Variants in PABIR3 observed in about 807,000 individuals in gnomAD.
PABIR3 encodes the protein PABIR family member 1.
In PABIR3, 20 loss-of-function variants were observed where a neutral mutation model predicts 23.1. The ratio of observed to expected loss-of-function variants is 0.86; its 90% CI spans 0.61 to 1.26. The LOEUF (loss-of-function observed/expected upper bound fraction) is 1.26, where lower values mean the gene tolerates loss of function less well. Ranked by LOEUF, PABIR3 falls within the 50% of genes most tolerant of loss-of-function variation. The pLI, the probability that PABIR3 is intolerant of heterozygous loss-of-function variation, is 0.00. For missense variants in PABIR3, 189 were observed against 195.4 expected (o/e 0.97, Z 0.20); for synonymous variants, 69 against 68.5 (o/e 1.01, Z -0.04).
At chrX:134,806,391 G>A (rs1454300045), upstream of PABIR3, among the ~76,000 whole-genome samples, 8 of 110,982 alleles carry the variant, frequency 7.2e-5, no homozygotes, top group Non-Finnish European at 9.4e-5. Flanking sequence ...CGAGGCGGGC[G>A]GATCACCTGA....
chrX:134,857,015 G>GA (rs111671075), downstream of PABIR3, among the ~76,000 whole-genome samples: 9 of 107,226 alleles, frequency 8.4e-5, no homozygotes, highest in East Asian at 2.9e-4. Context: ...CCGTCTCAAA[G>GA]AAAAAAAAAA....
intron 4 of PABIR3, among the ~76,000 whole-genome samples, chrX:134,836,053 G>A (rs2081962280): frequency 8.9e-6 from 1 of 111,835 alleles, no homozygotes; most frequent in Non-Finnish European, 1.9e-5. Context: ...GGTCCGACTG[G>A]TCTAGAACTC....
chrX:134,812,822 A>G (rs2080750768), intron 2 of PABIR3, among the ~76,000 whole-genome samples: 1 of 111,590 alleles, frequency 9.0e-6, no homozygotes, highest in Admixed American at 9.6e-5. Flanking sequence ...GAAGGCAGAA[A>G]AGCATAGATG....
chrX:134,835,741 C>A (rs2148287073), intron 4 of PABIR3: 1 of 111,726 alleles, frequency 9.0e-6, no homozygotes, highest in South Asian at 3.7e-4. Context: ...GCAGCCTCAA[C>A]CTTCTGGGCT....
chrX:134,828,047 C>CTATATATATATA (rs61129426), intron 3 of PABIR3, among the ~76,000 whole-genome samples: 4 of 49,409 alleles, frequency 8.1e-5, no homozygotes, highest in African/African-American at 1.6e-4. Context: ...CTCTCTCTCT[C>CTATATATATATA]TATATATATA....
intron 2 of PABIR3, among the ~76,000 whole-genome samples, chrX:134,812,235 T>C (rs2148133076): frequency 8.9e-6 from 1 of 112,309 alleles, no homozygotes; most frequent in Non-Finnish European, 1.9e-5. Flanking sequence ...TTTCTTTCAG[T>C]TATAGTCTTA....
chrX:134,857,861 C>T (rs2082757238), downstream of PABIR3, among the ~76,000 whole-genome samples: 1 of 111,101 alleles, frequency 9.0e-6, no homozygotes, highest in Admixed American at 9.7e-5. Context: ...CAACCAATAA[C>T]ATTTATAATT....
rs746427517 is a variant in PABIR3 at position 134,807,673 on chromosome X, AAG to A, written c.78_79del (p.Arg26SerfsTer13). The A allele has an allele frequency of 8.3e-7, 1 of 1,206,459 alleles. No homozygotes were observed. Among genetic ancestry groups the A allele is most frequent in the Admixed American group, 2.2e-5 (1 of 45,686 alleles). ...STTADGNILR[R>X]VNSAPLINGL... is the part of the protein sequence containing the mutation. The stretch of plus-strand genomic sequence containing the variant: ...CTACCGCAGACGGCAACATTCTGAG[AAG>A]AGTCAACAGTGCCCCTTTGATCAAT... On this transcript the variant is annotated frameshift_variant, in exon 2 of 11. Coordinates refer to ENST00000645433, the MANE Select transcript of PABIR3 (RefSeq NM_001388447.1). LOFTEE classifies it high-confidence loss of function.
chrX:134,797,810 AT>A (rs200169266), intron 1 of PABIR3, among the ~76,000 whole-genome samples: 6,674 of 88,012 alleles, frequency 0.076, 692 homozygotes, highest in African/African-American at 0.25. Context: ...TGAGATCTGG[AT>A]TTTTTTTTTT....
At chrX:134,800,711 A>G (rs2080044712) in intron 1 of PABIR3, among the ~76,000 whole-genome samples, 1 of 111,771 alleles carries the variant, frequency 8.9e-6, no homozygotes, top group Non-Finnish European at 1.9e-5. Flanking sequence ...AATCGCTTGA[A>G]CCTGGGAGGT....
At chrX:134,829,114 C>T in intron 3 of PABIR3, 112 bp from the exon 4 acceptor site, 2 of 580,300 alleles carry the variant, frequency 3.4e-6, no homozygotes, top group Non-Finnish European at 5.8e-6. Flanking sequence ...CTGTTGCTGG[C>T]ATGCATAAGA....
Position 134,854,277 on chromosome X carries a change from C to G in PABIR3, c.*60C>G, listed in dbSNP as rs1466775018. ...CAAGACTTTCTCACCAGTGGAGAAA[C>G]ACACACATCAAGCAAACCAAGTCAG... is the stretch of plus-strand genomic sequence containing the variant. On this transcript the variant is annotated 3_prime_UTR_variant, in exon 11 of 11. Coordinates refer to ENST00000645433, the MANE Select transcript of PABIR3 (RefSeq NM_001388447.1). The G allele has an allele frequency of 1.8e-6, 2 of 1,133,191 alleles. No homozygotes were observed. Among genetic ancestry groups the G allele is most frequent in the African/African-American group, 3.6e-5 (2 of 55,487 alleles). The allele number at this position is 1,133,191 out of a possible 1,213,427, so 93.4% of individuals were successfully genotyped here. A position where few individuals can be genotyped will look rare whatever the true frequency, so the allele number is the denominator to read the frequency against.
chrX:134,799,448 C>T (rs1195557884), intron 1 of PABIR3, among the ~76,000 whole-genome samples: 3 of 112,164 alleles, frequency 2.7e-5, no homozygotes, highest in African/African-American at 9.7e-5. Context: ...CATAGGGGAC[C>T]AATGTTAGAC....
At chrX:134,846,441 G>A (rs1373222647) in intron 6 of PABIR3, among the ~76,000 whole-genome samples, 1 of 111,990 alleles carries the variant, frequency 8.9e-6, no homozygotes, top group Non-Finnish European at 1.9e-5. Context: ...TTAAATGTCT[G>A]TGTGCACACT....
chrX:134,846,194 AACTC>A (rs773069795), intron 6 of PABIR3, among the ~76,000 whole-genome samples: 4 of 111,244 alleles, frequency 3.6e-5, no homozygotes, highest in East Asian at 2.8e-4. Flanking sequence ...ATCTCGTGAG[AACTC>A]ACTCACTACC....
chrX:134,813,326 T>C (rs1166304536), intron 2 of PABIR3, among the ~76,000 whole-genome samples: 1 of 112,181 alleles, frequency 8.9e-6, no homozygotes, highest in Non-Finnish European at 1.9e-5. Flanking sequence ...GGTAGTCTGT[T>C]AGCCTAGAGA....
intron 4 of PABIR3, among the ~76,000 whole-genome samples, chrX:134,842,047 T>C (rs2082253143): frequency 9.0e-6 from 1 of 110,715 alleles, no homozygotes; most frequent in Admixed American, 9.7e-5. Context: ...TGGCATCTCA[T>C]TGTGGTTTTG....
chrX:134,851,069 C>A (rs2082615345), intron 9 of PABIR3, among the ~76,000 whole-genome samples: 1 of 110,152 alleles, frequency 9.1e-6, no homozygotes, highest in Non-Finnish European at 1.9e-5. Flanking sequence ...CCCATTAATA[C>A]AAATGAAATG....
chrX:134,849,802 T>G (rs750209856), intron 9 of PABIR3, among the ~76,000 whole-genome samples: 6 of 108,813 alleles, frequency 5.5e-5, no homozygotes, highest in Non-Finnish European at 1.1e-4. Flanking sequence ...AAGATGTCTT[T>G]TTTAAAAACT....
Sources: allele counts gnomAD v4.1 joint callset (sites outside exome capture counted in the v4.1 genomes callset), GRCh38; gene constraint gnomAD v4.1.1; transcripts MANE v1.5; gene names NCBI Gene and HGNC (gene_info 2026-07-23, HGNC 2026-07-21).